CLCN5: variants seen among roughly 807,000 people sequenced by gnomAD.
The protein encoded by CLCN5 is Cl-/H+ antiporter 5, also known as H(+)/Cl(-) exchange transporter 5.
In CLCN5, 17 loss-of-function variants were observed where a neutral mutation model predicts 54.0. The observed-to-expected ratio is 0.31, with a 90% CI of 0.22 to 0.47. The LOEUF (loss-of-function observed/expected upper bound fraction) is 0.47, where lower values mean the gene tolerates loss of function less well. Ranked by LOEUF, CLCN5 falls within the 20% of genes least tolerant of loss-of-function variation. CLCN5 has a pLI of 1.00. For synonymous variants in CLCN5, 222 were observed against 233.0 expected (o/e 0.95, Z 0.43); for missense variants, 448 against 646.7 (o/e 0.69, Z 3.33).
intron 3 of CLCN5, among the ~76,000 whole-genome samples, chrX:49,944,010 A>G (rs1162022205): frequency 9.0e-6 from 1 of 111,670 alleles, no homozygotes; most frequent in Non-Finnish European, 1.9e-5. Flanking sequence ...GGCCATTTTC[A>G]CATTATTGAT....
intron 3 of CLCN5, among the ~76,000 whole-genome samples, chrX:49,932,359 A>G (rs1280855301): frequency 1.8e-5 from 2 of 112,820 alleles, no homozygotes; most frequent in African/African-American, 6.4e-5. Context: ...AGATGATGGG[A>G]TACAGTTACT....
chrX:49,944,179 A>G (rs1420986966), intron 3 of CLCN5, among the ~76,000 whole-genome samples: 6 of 111,405 alleles, frequency 5.4e-5, no homozygotes, highest in Non-Finnish European at 1.1e-4. Context: ...GTGAATGGAA[A>G]TTCACTCATG....
chrX:50,081,089 T>TAA (rs1933678613), intron 8 of CLCN5, among the ~76,000 whole-genome samples: 1 of 112,155 alleles, frequency 8.9e-6, no homozygotes, highest in Admixed American at 9.4e-5. Flanking sequence ...TGATTTAGGC[T>TAA]ACATGGGATG....
At chrX:50,017,682 C>CG (rs1930854466) in intron 3 of CLCN5, among the ~76,000 whole-genome samples, 115 of 98,170 alleles carry the variant, frequency 1.2e-3, no homozygotes, top group African/African-American at 2.3e-3. Context: ...CCTCTAGATT[C>CG]ATTTTTTTTT....
intron 3 of CLCN5, among the ~76,000 whole-genome samples, chrX:49,937,885 A>G (rs1393363517): frequency 8.0e-5 from 9 of 111,835 alleles, no homozygotes; most frequent in African/African-American, 2.6e-4. Flanking sequence ...TAGAGAAGAT[A>G]TAAATTACCT....
chrX:50,081,864 TTAA>T lies in CLCN5; in HGVS notation c.933+20_933+22del. The T allele has an allele frequency of 8.5e-7, 1 of 1,172,009 alleles. No individual in the cohort carries two copies. Among genetic ancestry groups the T allele is most frequent in the Non-Finnish European group, 1.2e-6 (1 of 862,866 alleles). On this transcript the variant is annotated intron_variant, in intron 9 of 14. Coordinates refer to ENST00000376091, the MANE Select transcript of CLCN5 (RefSeq NM_001127898.4). The stretch of plus-strand genomic sequence containing the variant: ...CGCAGAGAGGTAATAATGAATGGCC[TTAA>T]TAGTCTCTTTTTGGTTGTGAGCATA...
chrX:50,091,115 T>G (rs1052255376), intron 14 of CLCN5, among the ~76,000 whole-genome samples: 1 of 111,944 alleles, frequency 8.9e-6, no homozygotes. Context: ...TTGCATATTA[T>G]AAATAACCCA....
At chrX:50,013,339 A>G in intron 3 of CLCN5, 2 of 368,298 alleles carry the variant, frequency 5.4e-6, no homozygotes, top group South Asian at 2.6e-5. Context: ...GTCATCGTGA[A>G]TCTTCTGCTG....
chrX:50,048,866 C>G (rs191916305), intron 4 of CLCN5, among the ~76,000 whole-genome samples: 1 of 111,240 alleles, frequency 9.0e-6, no homozygotes, highest in Admixed American at 9.6e-5. Flanking sequence ...CCCTGTTAGC[C>G]AATGCAGTAA....
intron 3 of CLCN5, among the ~76,000 whole-genome samples, chrX:49,995,091 T>C (rs1244957915): frequency 1.8e-5 from 2 of 111,823 alleles, no homozygotes; most frequent in East Asian, 2.8e-4. Flanking sequence ...ATTCCTAAGC[T>C]TACATTTTAG....
At chrX:49,994,042 C>T (rs1418068158) in intron 3 of CLCN5, among the ~76,000 whole-genome samples, 12 of 111,443 alleles carry the variant, frequency 1.1e-4, no homozygotes, top group African/African-American at 2.0e-4. Context: ...AATTAAATAC[C>T]GGGGTTAAAA....
intron 3 of CLCN5, among the ~76,000 whole-genome samples, chrX:50,005,979 A>C (rs928237085): frequency 4.4e-5 from 5 of 112,407 alleles, no homozygotes; most frequent in African/African-American, 1.6e-4. Context: ...TAAATACATC[A>C]TGATTCCATT....
intron 3 of CLCN5, among the ~76,000 whole-genome samples, chrX:49,968,828 A>C (rs1355730755): frequency 2.7e-5 from 2 of 74,954 alleles, no homozygotes; most frequent in East Asian, 3.7e-4. Context: ...GGATCTAATT[A>C]AACTAAAGAG....
At chrX:49,933,626 T>A (rs1557169176) in intron 3 of CLCN5, among the ~76,000 whole-genome samples, 2 of 112,221 alleles carry the variant, frequency 1.8e-5, no homozygotes, top group Non-Finnish European at 3.8e-5. Flanking sequence ...TTTGGGCAGG[T>A]TATTTAATCT....
chrX:49,977,976 A>G (rs1159224301), intron 3 of CLCN5, among the ~76,000 whole-genome samples: 1 of 112,128 alleles, frequency 8.9e-6, no homozygotes, highest in Non-Finnish European at 1.9e-5. Context: ...ACTGGAGTCA[A>G]GCTGCCTGCG....
intron 3 of CLCN5, among the ~76,000 whole-genome samples, chrX:49,964,689 G>C (rs1011834800): frequency 6.3e-5 from 7 of 111,284 alleles, no homozygotes; most frequent in African/African-American, 2.3e-4. Flanking sequence ...CCTATATAAA[G>C]ATCTTTTTCT....
intron 3 of CLCN5, among the ~76,000 whole-genome samples, chrX:49,984,111 A>G (rs782764187): frequency 9.0e-6 from 1 of 111,665 alleles, no homozygotes; most frequent in African/African-American, 3.2e-5. Flanking sequence ...GACATATCAT[A>G]TTTGTGATAA....
In CLCN5 at chrX:49,972,494, C is replaced by A. The variant is rs1388476899; in HGVS notation, c.16+47180C>A. Among the ~76,000 whole-genome samples, 16 of 111,846 alleles carry A rather than the reference C, an allele frequency of 1.4e-4. 1 individual carries two copies. Among genetic ancestry groups the A allele is most frequent in the Admixed American group, 1.3e-3 (14 of 10,549 alleles). On this transcript the variant is annotated intron_variant, in intron 3 of 14. Transcript: ENST00000376091. ...ATGAAGCAACCGGTCCAGAGGTTGA[C>A]AAAATGCTTTCGCTGTATCAGCTCA...
At chrX:49,924,081 T>A (rs933349512) in intron 2 of CLCN5, among the ~76,000 whole-genome samples, 6 of 111,170 alleles carry the variant, frequency 5.4e-5, no homozygotes, top group Non-Finnish European at 1.1e-4. Context: ...GCAAGCAGAG[T>A]GTTAAGCCTC....
Sources: gnomAD v4.1 joint callset for allele counts (sites outside exome capture counted in the v4.1 genomes callset) on GRCh38, gnomAD v4.1.1 for gene constraint, MANE v1.5 for transcripts, NCBI Gene and HGNC (gene_info 2026-07-23, HGNC 2026-07-21) for gene names.